The following GALNT1 variants were observed in gnomAD, a reference collection of about 807,000 sequenced individuals.
GALNT1 encodes GalNAc transferase 1.
In GALNT1, 17 loss-of-function variants were observed where a neutral mutation model predicts 65.7. The observed-to-expected ratio is 0.26, with a 90% CI of 0.18 to 0.39. GALNT1 has a LOEUF of 0.39. Ranked by LOEUF, GALNT1 falls within the 10% of genes least tolerant of loss-of-function variation. The pLI, the probability that GALNT1 is intolerant of heterozygous loss-of-function variation, is 1.00. For synonymous variants in GALNT1, 210 were observed against 219.7 expected (o/e 0.96, Z 0.39); for missense variants, 460 against 672.8 (o/e 0.68, Z 3.50).
intron 1 of GALNT1, among the ~76,000 whole-genome samples, chr18:35,616,918 G>T (rs928002357): frequency 1.3e-5 from 2 of 152,080 alleles, no homozygotes; most frequent in Non-Finnish European, 2.9e-5. Context: ...GTTGTTATTA[G>T]GATAAAATTC....
intron 3 of GALNT1, among the ~76,000 whole-genome samples, chr18:35,673,400 G>T (rs1214876467): frequency 6.6e-6 from 1 of 152,140 alleles, no homozygotes; most frequent in African/African-American, 2.4e-5. Context: ...TTGTAGTTCT[G>T]TTACTTACTA....
At chr18:35,700,171 G>T (rs185445667) in intron 9 of GALNT1, among the ~76,000 whole-genome samples, 1 of 152,154 alleles carries the variant, frequency 6.6e-6, no homozygotes, top group Admixed American at 6.5e-5. Context: ...AGAAAAGAAT[G>T]TTCTCTGAAA....
chr18:35,622,734 T>C lies in GALNT1; in HGVS notation c.-103-31826T>C, dbSNP rs114930344. Among the ~76,000 whole-genome samples the C allele has an allele frequency of 2.8e-3, 434 of 152,290 alleles. 1 individual carries two copies. The highest frequency in any genetic ancestry group is 9.6e-3 in the African/African-American group (401 of 41,564). ...ATCTCTTTTTTTTTCCTTCTTGTTG[T>C]ACTGCGCTAGATAGGTTCTCTAGTA... On this transcript the variant is annotated intron_variant, in intron 1 of 11. Transcript: ENST00000269195.
chr18:35,644,935 G>T (rs567075396), intron 1 of GALNT1, among the ~76,000 whole-genome samples: 2 of 152,158 alleles, frequency 1.3e-5, no homozygotes, highest in South Asian at 4.2e-4. Context: ...AGGTTGCAGT[G>T]AGCCAGGATC....
At chr18:35,623,300 T>TC (rs1335395039) in intron 1 of GALNT1, among the ~76,000 whole-genome samples, 10 of 152,038 alleles carry the variant, frequency 6.6e-5, no homozygotes, top group African/African-American at 2.4e-4. Flanking sequence ...CCTTTTTTTT[T>TC]CCCCTGTACA....
At chr18:35,669,661 A>G (rs2047602742) in intron 3 of GALNT1, among the ~76,000 whole-genome samples, 1 of 152,202 alleles carries the variant, frequency 6.6e-6, no homozygotes, top group Admixed American at 6.5e-5. Context: ...GCAAACTAGA[A>G]TAGAAGGGAA....
intron 1 of GALNT1, among the ~76,000 whole-genome samples, chr18:35,650,558 C>T (rs2047297348): frequency 6.6e-6 from 1 of 152,264 alleles, no homozygotes; most frequent in East Asian, 1.9e-4. Flanking sequence ...TATTTCATCC[C>T]TTATCTACAA....
At chr18:35,704,555 G>A (rs7230728) in intron 11 of GALNT1, among the ~76,000 whole-genome samples, 14,118 of 151,954 alleles carry the variant, frequency 0.093, 784 homozygotes, top group African/African-American at 0.16. Context: ...CGATCCACCC[G>A]CCTCAGTCTC....
chr18:35,663,871 C>G, intron 3 of GALNT1, 69 bp downstream of exon 3: 1 of 1,447,124 alleles, frequency 6.9e-7, no homozygotes. Flanking sequence ...GTAAATTGCA[C>G]TTGAGTGCTG....
chr18:35,671,690 A>T (rs1040618985), intron 3 of GALNT1, among the ~76,000 whole-genome samples: 5 of 151,678 alleles, frequency 3.3e-5, no homozygotes, highest in African/African-American at 1.2e-4. Context: ...TACAGTTTCA[A>T]CTGGTAAAGT....
intron 3 of GALNT1, among the ~76,000 whole-genome samples, chr18:35,677,129 G>A (rs1440107147): frequency 6.6e-6 from 1 of 152,178 alleles, no homozygotes; most frequent in Non-Finnish European, 1.5e-5. Context: ...CTTATAGAAT[G>A]ACTAGGAAGA....
intron 4 of GALNT1, among the ~76,000 whole-genome samples, chr18:35,682,742 C>G (rs540298549): frequency 6.6e-6 from 1 of 151,952 alleles, no homozygotes; most frequent in East Asian, 1.9e-4. Flanking sequence ...CACATACTCT[C>G]CCTTTCCCCT....
At chr18:35,663,570 T>A (rs746165437) in intron 2 of GALNT1, 58 bp from the exon 3 acceptor site, 7 of 1,509,796 alleles carry the variant, frequency 4.6e-6, no homozygotes, top group Non-Finnish European at 6.3e-6. Context: ...TTAAATAGAA[T>A]CATGAATCAA....
At chr18:35,682,985 A>G (rs2144605971) in intron 4 of GALNT1, among the ~76,000 whole-genome samples, 1 of 151,564 alleles carries the variant, frequency 6.6e-6, no homozygotes, top group Non-Finnish European at 1.5e-5. Flanking sequence ...TTCTGAGGAA[A>G]TTTCACAATT....
At chr18:35,661,971 C>T (rs189677594) in intron 2 of GALNT1, among the ~76,000 whole-genome samples, 104 of 152,118 alleles carry the variant, frequency 6.8e-4, no homozygotes, top group Non-Finnish European at 1.2e-4. Flanking sequence ...TTATCTGTGC[C>T]ATCCACAAAA....
chr18:35,699,368 G>A (rs1016839100), intron 9 of GALNT1, among the ~76,000 whole-genome samples: 2 of 152,048 alleles, frequency 1.3e-5, no homozygotes, highest in African/African-American at 4.8e-5. Context: ...TTTATTTAAG[G>A]GTTCCTGATA....
At chr18:35,629,602 C>T (rs978244121) in intron 1 of GALNT1, among the ~76,000 whole-genome samples, 1 of 152,174 alleles carries the variant, frequency 6.6e-6, no homozygotes, top group East Asian at 1.9e-4. Flanking sequence ...GTACCAGCCA[C>T]TGCAAAAACA....
At chr18:35,600,095 T>G (rs531894721) in intron 1 of GALNT1, among the ~76,000 whole-genome samples, 21 of 152,332 alleles carry the variant, frequency 1.4e-4, no homozygotes, top group African/African-American at 5.1e-4. Context: ...CCTGAATCTG[T>G]AGATCACATT....
At chr18:35,658,727 A>T (rs1598797914) in intron 2 of GALNT1, among the ~76,000 whole-genome samples, 4 of 143,806 alleles carry the variant, frequency 2.8e-5, no homozygotes, top group Admixed American at 6.8e-5. Flanking sequence ...TTTTTTTTTT[A>T]AAGACAGAGT....
Sources: allele counts gnomAD v4.1 joint callset (sites outside exome capture counted in the v4.1 genomes callset), GRCh38; gene constraint gnomAD v4.1.1; transcripts MANE v1.5; gene names NCBI Gene and HGNC (gene_info 2026-07-23, HGNC 2026-07-21).